The following DOK3 variants were observed in gnomAD, a reference collection of about 807,000 sequenced individuals.
DOK3 encodes the protein docking protein 3.
In DOK3, 23 loss-of-function variants were observed where a neutral mutation model predicts 26.2. That is an observed-to-expected ratio of 0.88 (90% CI 0.63 to 1.24). DOK3 has a LOEUF of 1.24. Among genes scored for constraint, DOK3 ranks in the 50% most tolerant of loss-of-function variants. The probability of loss-of-function intolerance (pLI) is 0.00; values close to 1 mark genes in which losing one functional copy is unlikely to be tolerated. For synonymous variants in DOK3, 268 were observed against 268.2 expected, an observed-to-expected ratio of 1.00 and a Z score of 0.01; for missense variants, 619 against 610.6, an observed-to-expected ratio of 1.01 and a Z score of -0.15.
upstream of DOK3, chr5:177,510,064 C>G (rs1760801136): frequency 1.5e-6 from 1 of 669,254 alleles, no homozygotes; most frequent in Non-Finnish European, 2.5e-6. Context: ...TCACGAGCCA[C>G]TGAACATCAC....
rs548832354 is a variant in DOK3, at chr5:177,503,181, C to T, written c.*802G>A. 18 of 1,551,300 alleles carry T rather than the reference C, an allele frequency of 1.2e-5. No individual in the cohort carries two copies. The highest frequency in any genetic ancestry group is 4.8e-5 in the South Asian group (4 of 84,048). On this transcript the variant is annotated 3_prime_UTR_variant, in exon 6 of 6. Coordinates refer to ENST00000510898, the MANE Select transcript of DOK3 (RefSeq NM_001308236.3). The stretch of plus-strand genomic sequence containing the variant: ...CCAGGAGCAGGAGCAGAGGAGGGAA[C>T]GCAGCATGGAAGTCTTCAGGAAACT...
Position 177,503,171 on chromosome 5 carries a change from G to A in DOK3, c.*812C>T. ...TAGGATGGCGCCAGGAGCAGGAGCAGAGGAGGGAACGCAGCATGGAAGTCT... is the reference window on the plus strand; with the variant it reads ...TAGGATGGCGCCAGGAGCAGGAGCAAAGGAGGGAACGCAGCATGGAAGTCT... On this transcript the variant is annotated 3_prime_UTR_variant, in exon 6 of 6. Transcript: ENST00000510898. The A allele has an allele frequency of 2.9e-6, 1 of 349,294 alleles. No homozygotes were observed. The highest frequency in any genetic ancestry group is 4.9e-5 in the African/African-American group (1 of 20,438). 21.6% of individuals were successfully genotyped at this position (349,294 alleles called of 1,614,324 possible).
chr5:177,503,340 G>C lies in DOK3; in HGVS notation c.*643C>G, dbSNP rs1324644316. 27 of 1,551,266 alleles carry C rather than the reference G, an allele frequency of 1.7e-5. No homozygotes were observed. Among genetic ancestry groups the C allele is most frequent in the Non-Finnish European group, 2.4e-5 (27 of 1,146,666 alleles). On this transcript the variant is annotated 3_prime_UTR_variant, in exon 6 of 6. Transcript: ENST00000510898. Reference sequence around the variant, plus strand: ...AAGGATTATGCCTGATACGTCATCGGTTCTCTCTCCTTTACAGATGAGGAG... The same window carrying C: ...AAGGATTATGCCTGATACGTCATCGCTTCTCTCTCCTTTACAGATGAGGAG...
rs888120299 is a variant in DOK3 at position 177,503,892 on chromosome 5, G to A, written c.*91C>T. The stretch of plus-strand genomic sequence containing the variant: ...TGCAGGCCAGGGTGGACACAGGCGT[G>A]TGTCTGCATGGGCCCAATGTTTGCC... On this transcript the variant is annotated 3_prime_UTR_variant, in exon 6 of 6. Coordinates refer to ENST00000510898, the MANE Select transcript of DOK3 (RefSeq NM_001308236.3). 2 of 1,448,762 alleles carry A rather than the reference G, an allele frequency of 1.4e-6. No homozygotes were observed. The highest frequency in any genetic ancestry group is 2.6e-5 in the Admixed American group (1 of 38,922). 89.7% of individuals were successfully genotyped at this position (1,448,762 alleles called of 1,614,324 possible).
rs1193596406 is a variant in DOK3, at chr5:177,508,408, C to T, written c.201G>A (p.Gly67=). ...CAGCCAGGCGGATGACCCGTCGCTC[C>T]CCTCGCCGGCCAGGCCCTGCCGACC... ...GDRSAGPGRR[G]ERRVIRLADC... is the part of the protein sequence containing the mutation. The change falls in exon 3 of 6, where the codon GGG becomes GGA. Residue 67 remains glycine (G), a synonymous_variant. Transcript: ENST00000510898. 7 of 1,602,988 alleles carry T rather than the reference C, an allele frequency of 4.4e-6. No individual in the cohort carries two copies. The highest frequency in any genetic ancestry group is 5.9e-6 in the Non-Finnish European group (7 of 1,178,472).
intron 3 of DOK3, 39 bp downstream of exon 3, chr5:177,508,198 G>T: frequency 7.4e-7 from 1 of 1,348,052 alleles, no homozygotes; most frequent in Non-Finnish European, 9.5e-7. Flanking sequence ...TCGGGGGCAG[G>T]TGCCCCAGCC....
upstream of DOK3, chr5:177,510,413 C>T (rs2878525): frequency 0.029 from 4,523 of 154,066 alleles, 256 homozygotes; most frequent in African/African-American, 0.1. Flanking sequence ...GCCCCAACCA[C>T]GTGAGTGTGG....
intron 3 of DOK3, among the ~76,000 whole-genome samples, chr5:177,505,462 C>G (rs892868135): frequency 3.3e-5 from 5 of 152,202 alleles, no homozygotes; most frequent in African/African-American, 9.6e-5. Flanking sequence ...CTCCATCTCA[C>G]CACAGCCACC....
rs372954918 is a variant in DOK3 at position 177,508,486 on chromosome 5, T to G, written c.123A>C (p.Ala41=). The G allele has an allele frequency of 2.5e-5, 40 of 1,589,914 alleles. No individual in the cohort carries two copies. Among genetic ancestry groups the G allele is most frequent in the Non-Finnish European group, 3.4e-5 (40 of 1,168,672 alleles). ...LLYAGGPSGV[A]RLESWEVRDG... Reference sequence around the variant, plus strand: ...CCCGGACCTCCCAGCTCTCCAGCCGTGCCACGCCTGATGGGCCTCCTGCAT... The same window carrying G: ...CCCGGACCTCCCAGCTCTCCAGCCGGGCCACGCCTGATGGGCCTCCTGCAT... The change falls in exon 3 of 6, where the codon GCA becomes GCC. Residue 41 remains alanine (A), a synonymous_variant. Transcript: ENST00000510898.
At chr5:177,510,452 G>A (rs1470122094), upstream of DOK3, 1 of 153,566 alleles carries the variant, frequency 6.5e-6, no homozygotes, top group South Asian at 1.9e-4. Context: ...CCCCGGAGAG[G>A]TCACATGTTC....
At position 177,507,002 on chromosome 5, in the gene DOK3, A is replaced by G. The variant is rs748700140; in HGVS notation, c.372+1235T>C. 3.1e-4 allele frequency among the ~76,000 whole-genome samples: 47 copies of G among 151,840 alleles called. 1 individual carries two copies. The highest frequency in any genetic ancestry group is 5.0e-4 in the Non-Finnish European group (34 of 67,948). On this transcript the variant is annotated intron_variant, in intron 3 of 5. Transcript: ENST00000510898. Reference sequence around the variant, plus strand: ...CACCCGGCCACCAGTGCTTTTTAGTATACTCACAAGGCTGTGCACTGTTGC... The same window carrying G: ...CACCCGGCCACCAGTGCTTTTTAGTGTACTCACAAGGCTGTGCACTGTTGC...
At position 177,504,332 on chromosome 5, in the gene DOK3, T is replaced by G. The variant is rs1382841676; in HGVS notation, c.974A>C (p.Tyr325Ser). 3 of 1,593,600 alleles carry G rather than the reference T, an allele frequency of 1.9e-6. No individual in the cohort carries two copies. The highest frequency in any genetic ancestry group is 2.6e-6 in the Non-Finnish European group (3 of 1,167,636). ...ACTGGCACGCTTGCACACTGAAGCG[T>G]AGAGCCCGGACGCCAGATCGTTGGG... ...PEPNDLASGL[Y>S]ASVCKRASGP... The change falls in exon 6 of 6, where the codon TAC (tyrosine) becomes TCC (serine). Residue 325 changes from tyrosine (Y) to serine (S), a missense_variant. Tyr to Ser is a moderately radical substitution (Grantham distance 144). Transcript: ENST00000510898.
At chr5:177,508,766 A>G (rs771400880) in intron 2 of DOK3, 141 of 457,486 alleles carry the variant, frequency 3.1e-4, no homozygotes, top group Non-Finnish European at 5.3e-4. Context: ...ACAAGCATCA[A>G]TGTCGTCTCT....
In DOK3 at chr5:177,503,582, G is replaced by C; in HGVS notation, c.*401C>G. ...CACAGCTCCCTCCGCCTGCCTCTTCGTGTCACTCGGCCGTGCAGAGCAACA... is the reference window on the plus strand; with the variant it reads ...CACAGCTCCCTCCGCCTGCCTCTTCCTGTCACTCGGCCGTGCAGAGCAACA... On this transcript the variant is annotated 3_prime_UTR_variant, in exon 6 of 6. Transcript: ENST00000510898. 7.7e-7 allele frequency: 1 copy of C among 1,300,776 alleles called. No individual in the cohort carries two copies. The highest frequency in any genetic ancestry group is 2.9e-5 in the Admixed American group (1 of 34,228). The allele number at this position is 1,300,776 out of a possible 1,614,324, so 80.6% of individuals were successfully genotyped here.
Position 177,509,574 on chromosome 5 carries a change from A to G in DOK3, c.-34T>C. The G allele has an allele frequency of 6.2e-7, 1 of 1,608,716 alleles. No homozygotes were observed. ...CCAGGAGCAGGGCCGCCGCTTCAAG[A>G]CCTGGGGAGACTGATGACAGGCTGG... On this transcript the variant is annotated 5_prime_UTR_variant, in exon 2 of 6. Coordinates refer to ENST00000510898, the MANE Select transcript of DOK3 (RefSeq NM_001308236.3).
chr5:177,505,692 A>G (rs1350608391), intron 3 of DOK3, among the ~76,000 whole-genome samples: 2 of 151,970 alleles, frequency 1.3e-5, no homozygotes, highest in Non-Finnish European at 2.9e-5. Context: ...CCCATACTTG[A>G]GTGCAATGGC....
At position 177,508,528 on chromosome 5, in the gene DOK3, CT is replaced by C; in HGVS notation, c.80del (p.Lys27ArgfsTer150). On this transcript the variant is annotated frameshift_variant, in exon 3 of 6. Coordinates refer to ENST00000510898, the MANE Select transcript of DOK3 (RefSeq NM_001308236.3). LOFTEE classifies it high-confidence loss of function. ...HVKFGKKCWR[K>X]VWALLYAGGP... Reference sequence around the variant, plus strand: ...CTCCTGCATACAGCAGAGCCCACACCTTCCGCCAGCACTTCTGCGGGAGGGG... The same window carrying C: ...CTCCTGCATACAGCAGAGCCCACACCTCCGCCAGCACTTCTGCGGGAGGGG... 6.5e-7 allele frequency: 1 copy of C among 1,549,882 alleles called. No individual in the cohort carries two copies. The highest frequency in any genetic ancestry group is 1.2e-5 in the South Asian group (1 of 85,438).
At chr5:177,508,088 C>T (rs993566416) in intron 3 of DOK3, 149 bp downstream of exon 3, 24 of 1,067,654 alleles carry the variant, frequency 2.2e-5, no homozygotes, top group Non-Finnish European at 2.9e-5. Context: ...CCATGGCACG[C>T]ACGGCCCTCT....
In DOK3 at chr5:177,508,515, G is replaced by T; in HGVS notation, c.94C>A (p.Leu32Met). 6.4e-7 allele frequency: 1 copy of T among 1,573,160 alleles called. No homozygotes were observed. Among genetic ancestry groups the T allele is most frequent in the Non-Finnish European group, 8.6e-7 (1 of 1,156,654 alleles). Residue 32 changes from leucine to methionine, a missense_variant, in exon 3 of 6, where the codon CTG becomes ATG. By Grantham distance (15) the Leu-to-Met change is conservative (BLOSUM62 2). Transcript: ENST00000510898. ...ACGCCTGATGGGCCTCCTGCATACA[G>T]CAGAGCCCACACCTTCCGCCAGCAC... Reference protein sequence around the residue: ...KKCWRKVWALLYAGGPSGVAR... With the variant: ...KKCWRKVWALMYAGGPSGVAR...
Sources: gnomAD v4.1 joint callset for allele counts (sites outside exome capture counted in the v4.1 genomes callset) on GRCh38, gnomAD v4.1.1 for gene constraint, MANE v1.5 for transcripts, NCBI Gene and HGNC (gene_info 2026-07-23, HGNC 2026-07-21) for gene names.